The following NELL1 variants were observed in gnomAD, a reference collection of about 807,000 sequenced individuals.
NELL1 encodes the protein protein kinase C-binding protein NELL1.
In NELL1, 76 loss-of-function variants were observed where a neutral mutation model predicts 107.4. The observed-to-expected ratio is 0.71, with a 90% CI of 0.59 to 0.86. The LOEUF is 0.86. Among genes scored for constraint, NELL1 ranks in the 40% least tolerant of loss-of-function variants. The pLI is 0.00. For synonymous variants in NELL1, 353 were observed against 341.2 expected (o/e 1.03, Z -0.38); for missense variants, 1,024 against 1,005.5 (o/e 1.02, Z -0.25).
At chr11:21,050,194 T>C (rs765899032) in intron 12 of NELL1, among the ~76,000 whole-genome samples, 4 of 152,138 alleles carry the variant, frequency 2.6e-5, no homozygotes, top group Non-Finnish European at 5.9e-5. Context: ...TGAGATAATA[T>C]GTATGGTTTT....
chr11:21,178,141 C>A (rs554637868), intron 13 of NELL1, among the ~76,000 whole-genome samples: 1 of 151,788 alleles, frequency 6.6e-6, no homozygotes, highest in East Asian at 1.9e-4. Flanking sequence ...TATGAATTAC[C>A]TAAAATTAGT....
chr11:21,077,849 T>C (rs539641009), intron 12 of NELL1, among the ~76,000 whole-genome samples: 2 of 152,116 alleles, frequency 1.3e-5, no homozygotes, highest in African/African-American at 4.8e-5. Flanking sequence ...AGAAGTTGTC[T>C]TAGAAAGCAG....
chr11:20,889,763 G>A (rs1178250498), intron 5 of NELL1, among the ~76,000 whole-genome samples: 1 of 152,142 alleles, frequency 6.6e-6, no homozygotes, highest in East Asian at 1.9e-4. Context: ...CCATCTGAGA[G>A]CCACACGGGA....
chr11:21,119,030 A>C (rs967328029), intron 13 of NELL1, among the ~76,000 whole-genome samples: 3 of 152,068 alleles, frequency 2.0e-5, no homozygotes, highest in African/African-American at 7.2e-5. Flanking sequence ...AGATTATTAA[A>C]AAATAATGTC....
intron 3 of NELL1, among the ~76,000 whole-genome samples, chr11:20,786,900 T>C (rs530053532): frequency 1.5e-4 from 21 of 140,904 alleles, no homozygotes; most frequent in Admixed American, 3.9e-4. Context: ...CCCAGCTACT[T>C]GGGAGGCTGA....
chr11:21,471,884 G>A (rs1854192712), intron 15 of NELL1, among the ~76,000 whole-genome samples: 1 of 152,020 alleles, frequency 6.6e-6, no homozygotes, highest in Non-Finnish European at 1.5e-5. Flanking sequence ...TTCTAATTGT[G>A]TACAGAAAGC....
At chr11:20,754,146 A>G (rs748212685) in intron 2 of NELL1, among the ~76,000 whole-genome samples, 33 of 152,094 alleles carry the variant, frequency 2.2e-4, no homozygotes, top group Non-Finnish European at 4.4e-4. Context: ...CTGTGTAGCT[A>G]CCAAAAAAGA....
intron 16 of NELL1, among the ~76,000 whole-genome samples, chr11:21,558,632 T>C (rs2133999017): frequency 6.6e-6 from 1 of 152,118 alleles, no homozygotes; most frequent in East Asian, 1.9e-4. Context: ...CTATGCTGGG[T>C]TTAAAATTTT....
chr11:21,374,365 C>T (rs1302926117), intron 15 of NELL1, among the ~76,000 whole-genome samples: 3 of 151,952 alleles, frequency 2.0e-5, no homozygotes, highest in African/African-American at 4.8e-5. Context: ...ACTCATGTGG[C>T]GATTGGCAGG....
At chr11:20,760,280 T>C (rs1306385035) in intron 2 of NELL1, among the ~76,000 whole-genome samples, 1 of 152,184 alleles carries the variant, frequency 6.6e-6, no homozygotes, top group Non-Finnish European at 1.5e-5. Context: ...CTGGAGTGTA[T>C]GTAGCCGTAA....
chr11:20,881,482 G>A (rs1466582710), intron 4 of NELL1, among the ~76,000 whole-genome samples: 3 of 152,102 alleles, frequency 2.0e-5, no homozygotes, highest in Non-Finnish European at 4.4e-5. Context: ...AACCAAGGAC[G>A]AGTTATTTGA....
rs554515754 is a variant in NELL1, at chr11:21,473,764, C to T, written c.1646-60610C>T. Among the ~76,000 whole-genome samples the T allele has an allele frequency of 5.3e-5, 8 of 152,104 alleles. No individual in the cohort carries two copies. The East Asian group carries it at 9.7e-4, about 18-fold the overall frequency. ...ATATAGGAGGAAATTCTAAGGCTTA[C>T]GTGGGACACCCCGTAGTATATTGCA... On this transcript the variant is annotated intron_variant, in intron 15 of 19. Transcript: ENST00000357134.
At chr11:21,084,821 G>GT (rs1221441617) in intron 12 of NELL1, among the ~76,000 whole-genome samples, 1 of 152,124 alleles carries the variant, frequency 6.6e-6, no homozygotes, top group East Asian at 1.9e-4. Flanking sequence ...CATAGACCCA[G>GT]AGACATTAAA....
chr11:21,059,396 CT>C (rs1434932992), intron 12 of NELL1, among the ~76,000 whole-genome samples: 1 of 151,642 alleles, frequency 6.6e-6, no homozygotes, highest in African/African-American at 2.4e-5. Context: ...ATACTTCATT[CT>C]GAATCCATTC....
At chr11:21,465,404 G>A (rs1393698767) in intron 15 of NELL1, among the ~76,000 whole-genome samples, 1 of 152,024 alleles carries the variant, frequency 6.6e-6, no homozygotes, top group Non-Finnish European at 1.5e-5. Context: ...TTTTTACTAT[G>A]CAACCTGCTA....
intron 12 of NELL1, among the ~76,000 whole-genome samples, chr11:21,067,949 C>G (rs1342606362): frequency 7.6e-6 from 1 of 131,990 alleles, no homozygotes. Context: ...GGGAAAATAA[C>G]TTGAACTCGG....
At chr11:21,495,084 A>G (rs545106554) in intron 15 of NELL1, among the ~76,000 whole-genome samples, 3 of 152,266 alleles carry the variant, frequency 2.0e-5, no homozygotes, top group Admixed American at 1.3e-4. Flanking sequence ...GATCTTTGCA[A>G]CCATTGCCAA....
Position 21,057,983 on chromosome 11 carries a change from A to G in NELL1, c.1301-55606A>G, listed in dbSNP as rs147733608. ...AAACCTGCTATGTCAATTGTTTGCCATCTTTCAGAAGAGGAGGTTGAGTTT... is the reference window on the plus strand; with the variant it reads ...AAACCTGCTATGTCAATTGTTTGCCGTCTTTCAGAAGAGGAGGTTGAGTTT... On this transcript the variant is annotated intron_variant, in intron 12 of 19. Coordinates refer to ENST00000357134, the MANE Select transcript of NELL1 (RefSeq NM_006157.5). Among the ~76,000 whole-genome samples the G allele has an allele frequency of 1.3e-3, 200 of 152,214 alleles. 1 individual carries two copies. In the East Asian group the frequency reaches 0.015, roughly 12 times the overall value.
intron 14 of NELL1, among the ~76,000 whole-genome samples, chr11:21,293,705 GAT>G (rs774425982): frequency 6.6e-6 from 1 of 152,166 alleles, no homozygotes; most frequent in Non-Finnish European, 1.5e-5. Context: ...TGATAGACTG[GAT>G]AAAGAAAATG....
Sources: allele counts gnomAD v4.1 joint callset (sites outside exome capture counted in the v4.1 genomes callset), GRCh38; gene constraint gnomAD v4.1.1; transcripts MANE v1.5; gene names NCBI Gene and HGNC (gene_info 2026-07-23, HGNC 2026-07-21).